Variants in PRR15L observed in about 807,000 individuals in gnomAD.
PRR15L encodes the protein proline-rich protein 15-like protein.
Under a neutral mutation model 3.7 loss-of-function variants are expected in PRR15L, and 1 was observed. The ratio of observed to expected loss-of-function variants is 0.27; its 90% CI spans 0.09 to 1.27. PRR15L has a LOEUF of 1.27. PRR15L is among the 50% of genes most tolerant of loss of function. PRR15L has a pLI of 0.47. For synonymous variants in PRR15L, 57 were observed against 51.9 expected, an observed-to-expected ratio of 1.10 and a Z score of -0.42; for missense variants, 127 against 128.7, an observed-to-expected ratio of 0.99 and a Z score of 0.06.
chr17:47,953,298 G>T, intron 1 of PRR15L, 35 bp from the exon 2 acceptor site: 1 of 1,335,026 alleles, frequency 7.5e-7, no homozygotes, highest in East Asian at 2.3e-5. Flanking sequence ...AAAGGGGTCA[G>T]TGGGAAAAGG....
At chr17:47,954,065 G>A (rs575876212) in intron 1 of PRR15L, among the ~76,000 whole-genome samples, 1 of 152,318 alleles carries the variant, frequency 6.6e-6, no homozygotes, top group South Asian at 2.1e-4. Context: ...ATTTTGCTTG[G>A]AATTCATTAC....
rs1233496947 is a variant in PRR15L at position 47,953,064 on chromosome 17, C to A, written c.171G>T (p.Lys57Asn). ...TGCCCTTTGTGCTCTTGTCCACAAT[C>A]TTCTCCAGGCGGGTGTTAAAGTCGC... The part of the protein sequence containing the change: ...PNSDFNTRLE[K>N]IVDKSTKGKH... Residue 57 changes from lysine to asparagine, a missense_variant, in exon 2 of 2, where the codon AAG (lysine) becomes AAT (asparagine). Physicochemically the swap from Lys to Asn is moderately conservative, Grantham distance 94. Coordinates refer to ENST00000300557, the MANE Select transcript of PRR15L (RefSeq NM_024320.4). The A allele has an allele frequency of 6.2e-7, 1 of 1,614,206 alleles. No individual in the cohort carries two copies. Among genetic ancestry groups the A allele is most frequent in the South Asian group, 1.1e-5 (1 of 91,090 alleles).
In PRR15L at chr17:47,956,407, G is replaced by C. The variant is rs546107575; in HGVS notation, c.-30+1250C>G. On this transcript the variant is annotated intron_variant, in intron 1 of 1. Coordinates refer to ENST00000300557, the MANE Select transcript of PRR15L (RefSeq NM_024320.4). ...GAATCCCTTGAACCCAGGAGGCAGA[G>C]GTTGCAGTGAGCTGAGATCATGCCA... Among the ~76,000 whole-genome samples, 21 of 152,366 alleles carry C rather than the reference G, an allele frequency of 1.4e-4. No individual in the cohort carries two copies. The South Asian group carries it at 4.1e-3, about 30-fold the overall frequency.
At chr17:47,955,831 C>T (rs1330734293) in intron 1 of PRR15L, among the ~76,000 whole-genome samples, 2 of 152,174 alleles carry the variant, frequency 1.3e-5, no homozygotes, top group Non-Finnish European at 2.9e-5. Flanking sequence ...GAATGAGGCC[C>T]ACAGCCCCAC....
intron 1 of PRR15L, among the ~76,000 whole-genome samples, chr17:47,955,526 G>C (rs925853524): frequency 2.6e-5 from 4 of 151,558 alleles, no homozygotes; most frequent in Non-Finnish European, 5.9e-5. Flanking sequence ...TGTCCCTTTA[G>C]CTGGGCTCAA....
chr17:47,956,215 C>G (rs2036127492), intron 1 of PRR15L, among the ~76,000 whole-genome samples: 1 of 152,252 alleles, frequency 6.6e-6, no homozygotes, highest in Non-Finnish European at 1.5e-5. Context: ...ATAATCCCAG[C>G]ACTTTGGGAG....
At chr17:47,956,029 TA>T (rs1459974983) in intron 1 of PRR15L, among the ~76,000 whole-genome samples, 4 of 152,218 alleles carry the variant, frequency 2.6e-5, no homozygotes, top group Non-Finnish European at 5.9e-5. Context: ...CTCCTTGGCA[TA>T]AAGGGAGCCA....
rs151133495 is a variant in PRR15L, at chr17:47,952,940, C to T, written c.295G>A (p.Gly99Arg). 9.5e-5 allele frequency: 154 copies of T among 1,613,454 alleles called. No individual in the cohort carries two copies. In the African/African-American group the frequency reaches 1.1e-3, roughly 12 times the overall value. ...NPNLFDDHEE[G>R]RSSK ...TCAGCCCTTCACTTTGATGACCGTC[C>T]TTCCTCGTGATCATCAAAGAGGTTA... The change falls in exon 2 of 2, where the codon GGA (glycine) becomes AGA (arginine). Residue 99 changes from glycine to arginine, a missense_variant. Coordinates refer to ENST00000300557, the MANE Select transcript of PRR15L (RefSeq NM_024320.4).
chr17:47,952,804 G>T lies in PRR15L; in HGVS notation c.*119C>A. The T allele has an allele frequency of 2.0e-6, 2 of 1,018,810 alleles. No individual in the cohort carries two copies. Among genetic ancestry groups the T allele is most frequent in the African/African-American group, 1.6e-5 (1 of 62,162 alleles). 63.1% of individuals were successfully genotyped at this position (1,018,810 alleles called of 1,614,324 possible). A position where few individuals can be genotyped will look rare whatever the true frequency, so the allele number is the denominator to read the frequency against. ...CCTAAAAAACAGCCATTTCCTGCCA[G>T]CAGGTATCAACTGGCCCCACAGCTT... On this transcript the variant is annotated 3_prime_UTR_variant, in exon 2 of 2. Transcript: ENST00000300557.
chr17:47,953,827 A>C (rs943598335), intron 1 of PRR15L, among the ~76,000 whole-genome samples: 3 of 152,212 alleles, frequency 2.0e-5, no homozygotes, highest in African/African-American at 7.2e-5. Context: ...CTCGCCAGAC[A>C]GAGAGGCAGT....
chr17:47,957,363 C>A lies in PRR15L; in HGVS notation c.-30+294G>T, dbSNP rs1415192860. On this transcript the variant is annotated intron_variant, in intron 1 of 1. Coordinates refer to ENST00000300557, the MANE Select transcript of PRR15L (RefSeq NM_024320.4). ...GGCCTGCAGGATGAGACAGGGGTAC[C>A]CTGGATAGGAATGGGGAGATGTTCC... Among the ~76,000 whole-genome samples, 7 of 152,368 alleles carry A rather than the reference C, an allele frequency of 4.6e-5. No homozygotes were observed. The South Asian group carries it at 1.4e-3, about 32-fold the overall frequency.
Position 47,957,729 on chromosome 17 carries a change from G to C in PRR15L, c.-102C>G, listed in dbSNP as rs2036144961. 6.6e-6 allele frequency: 1 copy of C among 152,408 alleles called. No homozygotes were observed. The highest frequency in any genetic ancestry group is 1.5e-5 in the Non-Finnish European group (1 of 68,222). 9.4% of individuals were successfully genotyped at this position (152,408 alleles called of 1,614,324 possible). A position where few individuals can be genotyped will look rare whatever the true frequency, so the allele number is the denominator to read the frequency against. ...AGCAGTTGAGTGTAGGAGCTGCCTG[G>C]GAGGGTGAGACTCGGGAAGCAAGTG... On this transcript the variant is annotated 5_prime_UTR_variant, in exon 1 of 2. Coordinates refer to ENST00000300557, the MANE Select transcript of PRR15L (RefSeq NM_024320.4).
intron 1 of PRR15L, among the ~76,000 whole-genome samples, chr17:47,956,842 G>C (rs1034613244): frequency 6.6e-6 from 1 of 152,250 alleles, no homozygotes; most frequent in African/African-American, 2.4e-5. Context: ...TTGGGGGAGT[G>C]GGGGCAGGTG....
chr17:47,953,041 C>T lies in PRR15L; in HGVS notation c.194G>A (p.Gly65Asp), dbSNP rs753412690. ...TGAGTTGGAGACCTTGACGTGCTTG[C>T]CCTTTGTGCTCTTGTCCACAATCTT... ...LEKIVDKSTKGKHVKVSNSGR... is the reference protein window; with the variant it reads ...LEKIVDKSTKDKHVKVSNSGR... The change falls in exon 2 of 2, where the codon GGC becomes GAC. Residue 65 changes from glycine (G) to aspartate (D), a missense_variant. Coordinates refer to ENST00000300557, the MANE Select transcript of PRR15L (RefSeq NM_024320.4). 1 of 1,614,156 alleles carries T rather than the reference C, an allele frequency of 6.2e-7. No individual in the cohort carries two copies. Among genetic ancestry groups the T allele is most frequent in the Middle Eastern group, 1.6e-4 (1 of 6,062 alleles).
rs779465842 is a variant in PRR15L at position 47,952,967 on chromosome 17, G to T, written c.268C>A (p.Pro90Thr). 1.9e-6 allele frequency: 3 copies of T among 1,613,970 alleles called. No homozygotes were observed. The highest frequency in any genetic ancestry group is 1.6e-4 in the Middle Eastern group (1 of 6,084). ...TCCTCGTGATCATCAAAGAGGTTAG[G>T]GTTCTCTGCCAGCGTGGCTCTCACT... is the stretch of plus-strand genomic sequence containing the variant. The part of the protein sequence containing the change: ...KKVRATLAEN[P>T]NLFDDHEEGR... Residue 90 changes from proline to threonine, a missense_variant, in exon 2 of 2, where the codon CCT (proline) becomes ACT (threonine). Physicochemically the swap from Pro to Thr is conservative, Grantham distance 38. Coordinates refer to ENST00000300557, the MANE Select transcript of PRR15L (RefSeq NM_024320.4).
rs1205999462 is a variant in PRR15L at position 47,953,280 on chromosome 17, G to GT, written c.-29-18_-29-17insA. 2 of 1,500,910 alleles carry GT rather than the reference G, an allele frequency of 1.3e-6. No individual in the cohort carries two copies. The highest frequency in any genetic ancestry group is 1.3e-5 in the South Asian group (1 of 75,966). The allele number at this position is 1,500,910 out of a possible 1,614,324, so 93.0% of individuals were successfully genotyped here. On this transcript the variant is annotated splice_polypyrimidine_tract_variant and intron_variant, in intron 1 of 1. Coordinates refer to ENST00000300557, the MANE Select transcript of PRR15L (RefSeq NM_024320.4). ...TGGGGCTTTCTGCTGGAGCAGGGTG[G>GT]GGGAGACAAAGGGGTCAGTGGGAAA...
chr17:47,952,893 C>T lies in PRR15L; in HGVS notation c.*30G>A. On this transcript the variant is annotated 3_prime_UTR_variant, in exon 2 of 2. Transcript: ENST00000300557. ...CTCAGATCTGGCTGATGGCAGGGAG[C>T]CAAGAGGTGCTAGCACCCTCCTCAG... The T allele has an allele frequency of 1.3e-6, 2 of 1,576,872 alleles. No homozygotes were observed.
intron 1 of PRR15L, among the ~76,000 whole-genome samples, chr17:47,954,842 G>A (rs1029717756): frequency 1.3e-5 from 2 of 152,140 alleles, no homozygotes; most frequent in Admixed American, 6.5e-5. Context: ...CAGAAAGCTA[G>A]AGGGTATCAC....
chr17:47,953,283 G>GT lies in PRR15L; in HGVS notation c.-29-21_-29-20insA. ...GGCTTTCTGCTGGAGCAGGGTGGGG[G>GT]AGACAAAGGGGTCAGTGGGAAAAGG... On this transcript the variant is annotated intron_variant, in intron 1 of 1. Coordinates refer to ENST00000300557, the MANE Select transcript of PRR15L (RefSeq NM_024320.4). The GT allele has an allele frequency of 6.8e-7, 1 of 1,469,790 alleles. No individual in the cohort carries two copies. The highest frequency in any genetic ancestry group is 9.1e-7 in the Non-Finnish European group (1 of 1,096,124). The allele number at this position is 1,469,790 out of a possible 1,614,324, so 91.0% of individuals were successfully genotyped here.
Sources: gnomAD v4.1 joint callset for allele counts (sites outside exome capture counted in the v4.1 genomes callset) on GRCh38, gnomAD v4.1.1 for gene constraint, MANE v1.5 for transcripts, NCBI Gene and HGNC (gene_info 2026-07-23, HGNC 2026-07-21) for gene names.